Variants in SHROOM3 observed in about 807,000 individuals in gnomAD.
SHROOM3 encodes shroom family member 3, also known as protein Shroom3.
Under a neutral mutation model 138.6 loss-of-function variants are expected in SHROOM3, and 47 were observed. The ratio of observed to expected loss-of-function variants is 0.34; its 90% confidence interval spans 0.27 to 0.43. The LOEUF (loss-of-function observed/expected upper bound fraction) is 0.43. Ranked by LOEUF, SHROOM3 falls within the 20% of genes least tolerant of loss-of-function variation. The pLI is 1.00. For missense variants in SHROOM3, 2,491 were observed against 2,596.5 expected, an observed-to-expected ratio of 0.96 and a Z score of 0.88; for synonymous variants, 1,062 against 1,063.3, an observed-to-expected ratio of 1.00 and a Z score of 0.02.
chr4:76,651,401 A>ATATATATATAT (rs1735955382), intron 2 of SHROOM3, among the ~76,000 whole-genome samples: 21 of 86,762 alleles, frequency 2.4e-4, no homozygotes, highest in Non-Finnish European at 4.4e-4. Flanking sequence ...GTAACCCATA[A>ATATATATATAT]ATATATATAT....
chr4:76,513,816 A>T (rs1004854243), intron 1 of SHROOM3, among the ~76,000 whole-genome samples: 2 of 152,202 alleles, frequency 1.3e-5, no homozygotes, highest in African/African-American at 4.8e-5. Flanking sequence ...AGTCTGGAAG[A>T]CTTGGGACTT....
chr4:76,761,206 C>G (rs1040313646), intron 9 of SHROOM3, among the ~76,000 whole-genome samples: 1 of 152,104 alleles, frequency 6.6e-6, no homozygotes, highest in Non-Finnish European at 1.5e-5. Flanking sequence ...CTTTTATTCC[C>G]CAGTGTCTGC....
At chr4:76,446,262 G>A (rs557296521) in intron 1 of SHROOM3, among the ~76,000 whole-genome samples, 49 of 151,366 alleles carry the variant, frequency 3.2e-4, no homozygotes, top group African/African-American at 1.0e-3. Context: ...TAAAAACTGC[G>A]TTGTCACTTT....
rs572217761 is a variant in SHROOM3, at chr4:76,770,841, A to C, written c.5565A>C (p.Leu1855=). 1 of 1,614,226 alleles carries C rather than the reference A, an allele frequency of 6.2e-7. No homozygotes were observed. The highest frequency in any genetic ancestry group is 1.1e-5 in the South Asian group (1 of 91,090). ...TGCTGCTCTCCCTCTCGGGGCGTCT[A>C]GCCCGTGTTGAGAATGTCCTTAGCG... ...VNLLLSLSGR[L]ARVENVLSGL... Residue 1855 remains leucine (L), a synonymous_variant, in exon 10 of 11, where the codon CTA becomes CTC. Transcript: ENST00000296043.
chr4:76,721,490 A>G (rs1376659062), intron 3 of SHROOM3, among the ~76,000 whole-genome samples: 1 of 152,232 alleles, frequency 6.6e-6, no homozygotes, highest in Non-Finnish European at 1.5e-5. Flanking sequence ...GCTGAAAGGA[A>G]ATAAAGGTAT....
chr4:76,642,292 T>C (rs954122339), intron 2 of SHROOM3, among the ~76,000 whole-genome samples: 4 of 152,192 alleles, frequency 2.6e-5, no homozygotes, highest in Non-Finnish European at 5.9e-5. Context: ...TTATTGAATA[T>C]ACATATGACA....
At position 76,645,867 on chromosome 4, in the gene SHROOM3, G is replaced by A. The variant is rs1399451968; in HGVS notation, c.324-64289G>A. ...CTTCTTCCAAGAATTTCAGATAAGG[G>A]TTACTTAGCCTGCCTCATACTCCCC... On this transcript the variant is annotated intron_variant, in intron 2 of 10. Transcript: ENST00000296043. Among the ~76,000 whole-genome samples the A allele has an allele frequency of 3.9e-5, 6 of 152,066 alleles. No individual in the cohort carries two copies. In the East Asian group the frequency reaches 9.6e-4, roughly 24 times the overall value.
chr4:76,541,155 G>GATATGCAT (rs1362804272), intron 1 of SHROOM3, among the ~76,000 whole-genome samples: 1 of 152,086 alleles, frequency 6.6e-6, no homozygotes, highest in Non-Finnish European at 1.5e-5. Flanking sequence ...GTTCTACACA[G>GATATGCAT]ATATGCATAT....
At chr4:76,720,906 G>A (rs891112849) in intron 3 of SHROOM3, among the ~76,000 whole-genome samples, 1 of 150,670 alleles carries the variant, frequency 6.6e-6, no homozygotes, top group African/African-American at 2.4e-5. Context: ...CACCACGCCC[G>A]GCCTCCCCCC....
intron 2 of SHROOM3, chr4:76,689,559 G>C: frequency 1.0e-6 from 1 of 984,556 alleles, no homozygotes; most frequent in Non-Finnish European, 1.2e-6. Context: ...GCAGGGCGCT[G>C]CTGGGCCGCC....
intron 2 of SHROOM3, among the ~76,000 whole-genome samples, chr4:76,682,991 T>C (rs1400931345): frequency 6.6e-6 from 1 of 152,230 alleles, no homozygotes; most frequent in East Asian, 1.9e-4. Context: ...AAGATGCTGG[T>C]GGCATATAAA....
chr4:76,634,523 A>G (rs1238707463), intron 2 of SHROOM3, among the ~76,000 whole-genome samples: 4 of 152,148 alleles, frequency 2.6e-5, no homozygotes, highest in Non-Finnish European at 5.9e-5. Flanking sequence ...ACGTTTCCCA[A>G]TGTTTAGTTT....
chr4:76,689,513 C>G (rs1719445277), intron 2 of SHROOM3: 7 of 983,200 alleles, frequency 7.1e-6, no homozygotes, highest in Non-Finnish European at 8.4e-6. Context: ...CCCGGCCCAC[C>G]GTGCAGCTGT....
intron 2 of SHROOM3, among the ~76,000 whole-genome samples, chr4:76,606,697 C>T (rs1734629989): frequency 6.6e-6 from 1 of 151,922 alleles, no homozygotes; most frequent in African/African-American, 2.4e-5. Context: ...AGCAGGACTC[C>T]CTCTCAAAAA....
intron 1 of SHROOM3, among the ~76,000 whole-genome samples, chr4:76,545,801 A>G (rs906072510): frequency 6.6e-6 from 1 of 152,204 alleles, no homozygotes; most frequent in African/African-American, 2.4e-5. Flanking sequence ...TATTAGGTGT[A>G]GGAGATGGAT....
At chr4:76,593,681 G>C (rs1032484873) in intron 2 of SHROOM3, among the ~76,000 whole-genome samples, 10 of 152,170 alleles carry the variant, frequency 6.6e-5, no homozygotes, top group Admixed American at 3.3e-4. Context: ...CCAAATTTGT[G>C]CTTCTGCTTC....
Position 76,710,222 on chromosome 4 carries a change from C to G in SHROOM3, c.390C>G (p.Leu130=). 1 of 1,614,164 alleles carries G rather than the reference C, an allele frequency of 6.2e-7. No individual in the cohort carries two copies. The highest frequency in any genetic ancestry group is 1.1e-5 in the South Asian group (1 of 91,090). Reference sequence around the variant, plus strand: ...CTAACTTCGTCAGCCCAGAACACCTCACCTCTGGCCCCCAGCACAGGAAAG... The same window carrying G: ...CTAACTTCGTCAGCCCAGAACACCTGACCTCTGGCCCCCAGCACAGGAAAG... ...GASNFVSPEH[L]TSGPQHRKAA... The change falls in exon 3 of 11, where the codon CTC becomes CTG. Residue 130 remains leucine, a synonymous_variant. Coordinates refer to ENST00000296043, the MANE Select transcript of SHROOM3 (RefSeq NM_020859.4).
At chr4:76,485,347 T>C (rs71607357) in intron 1 of SHROOM3, among the ~76,000 whole-genome samples, 11,999 of 152,272 alleles carry the variant, frequency 0.079, 571 homozygotes, top group South Asian at 0.18. Context: ...TAAATATAAA[T>C]AGAAAAACTC....
At chr4:76,674,097 C>CCTGGCCTCAAGCGA (rs1718959231) in intron 2 of SHROOM3, among the ~76,000 whole-genome samples, 1 of 151,958 alleles carries the variant, frequency 6.6e-6, no homozygotes, top group South Asian at 2.1e-4. Context: ...TGGTCTGAAA[C>CCTGGCCTCAAGCGA]TCCTGGCCTC....
Sources: gnomAD v4.1 joint callset for allele counts (sites outside exome capture counted in the v4.1 genomes callset) on GRCh38, gnomAD v4.1.1 for gene constraint, MANE v1.5 for transcripts, NCBI Gene and HGNC (gene_info 2026-07-23, HGNC 2026-07-21) for gene names.